Variants in NELL2 observed in about 807,000 individuals in gnomAD.
NELL2 encodes protein kinase C-binding protein NELL2.
In NELL2, 41 loss-of-function variants were observed where a neutral mutation model predicts 109.6. The observed-to-expected ratio is 0.37, with a 90% confidence interval of 0.29 to 0.49. The LOEUF is 0.49. Ranked by LOEUF, NELL2 falls within the 20% of genes least tolerant of loss-of-function variation. The probability of loss-of-function intolerance (pLI) is 0.98; values close to 1 mark genes in which losing one functional copy is unlikely to be tolerated. For missense variants in NELL2, 900 were observed against 1,008.3 expected, an observed-to-expected ratio of 0.89 and a Z score of 1.45; for synonymous variants, 355 against 344.7, an observed-to-expected ratio of 1.03 and a Z score of -0.33.
chr12:44,784,478 T>C (rs966868326), intron 3 of NELL2, among the ~76,000 whole-genome samples: 11 of 152,186 alleles, frequency 7.2e-5, no homozygotes, highest in Non-Finnish European at 1.6e-4. Context: ...CCATTCCTTC[T>C]GAAACTGTTC....
chr12:44,633,285 T>C (rs1946520955), intron 13 of NELL2, among the ~76,000 whole-genome samples: 1 of 152,006 alleles, frequency 6.6e-6, no homozygotes, highest in Non-Finnish European at 1.5e-5. Flanking sequence ...AAAAAGCCAG[T>C]TTACAAGAGG....
chr12:44,834,120 A>G (rs1458136169), intron 2 of NELL2, among the ~76,000 whole-genome samples: 13 of 152,230 alleles, frequency 8.5e-5, no homozygotes, highest in South Asian at 2.1e-4. Context: ...AAAAGATACA[A>G]TAATTTCCAT....
chr12:44,725,049 A>G (rs1479142879), intron 9 of NELL2, among the ~76,000 whole-genome samples: 1 of 152,174 alleles, frequency 6.6e-6, no homozygotes, highest in Non-Finnish European at 1.5e-5. Context: ...TGGTGCTAGG[A>G]TAACTGGCTA....
At chr12:44,568,665 A>C (rs1199095512) in intron 15 of NELL2, among the ~76,000 whole-genome samples, 2 of 152,062 alleles carry the variant, frequency 1.3e-5, no homozygotes, top group Non-Finnish European at 2.9e-5. Context: ...GATAGAATTC[A>C]CTTTTATGAG....
At chr12:44,718,707 G>C (rs749552750) in intron 9 of NELL2, among the ~76,000 whole-genome samples, 22 of 152,192 alleles carry the variant, frequency 1.4e-4, no homozygotes, top group Non-Finnish European at 2.9e-4. Context: ...CTAGGGAGAT[G>C]TACTTAATTT....
chr12:44,632,053 A>T (rs1351806334), intron 13 of NELL2, among the ~76,000 whole-genome samples: 1 of 152,166 alleles, frequency 6.6e-6, no homozygotes, highest in Non-Finnish European at 1.5e-5. Context: ...GACCATATTA[A>T]TAATCTGAAA....
intron 2 of NELL2, among the ~76,000 whole-genome samples, chr12:44,865,749 C>T (rs1944977180): frequency 8.1e-6 from 1 of 123,078 alleles, no homozygotes; most frequent in Non-Finnish European, 1.7e-5. Flanking sequence ...ACCAGCATGG[C>T]ACATGTATAC....
At chr12:44,753,057 G>C (rs1940723797) in intron 9 of NELL2, among the ~76,000 whole-genome samples, 1 of 152,060 alleles carries the variant, frequency 6.6e-6, no homozygotes, top group African/African-American at 2.4e-5. Flanking sequence ...ATTGAACACA[G>C]AATCAAGCAC....
chr12:44,607,454 C>T (rs977656740), intron 14 of NELL2, among the ~76,000 whole-genome samples, 190 bp from the exon 15 acceptor site: 1 of 152,030 alleles, frequency 6.6e-6, no homozygotes, highest in South Asian at 2.1e-4. Flanking sequence ...AGTACTCTTT[C>T]CAATGTTAAA....
intron 5 of NELL2, 44 bp from the exon 6 acceptor site, chr12:44,777,358 A>G (rs557128169): frequency 2.7e-6 from 4 of 1,492,388 alleles, no homozygotes; most frequent in Admixed American, 3.4e-5. Context: ...ACTTTCATTT[A>G]CCCAAATTAT....
At chr12:44,743,850 G>A (rs977133152) in intron 9 of NELL2, among the ~76,000 whole-genome samples, 5 of 152,094 alleles carry the variant, frequency 3.3e-5, no homozygotes, top group Non-Finnish European at 5.9e-5. Flanking sequence ...CAATAATAAT[G>A]GGAGACTTTA....
rs11182643 is a variant in NELL2 at position 44,758,069 on chromosome 12, C to T, written c.994+16678G>A. Among the ~76,000 whole-genome samples the T allele has an allele frequency of 5.6e-3, 844 of 152,034 alleles. 11 individuals are homozygous for T. Among genetic ancestry groups the T allele is most frequent in the East Asian group, 0.033 (169 of 5,174 alleles). On this transcript the variant is annotated intron_variant, in intron 9 of 19. Coordinates refer to ENST00000429094, the MANE Select transcript of NELL2 (RefSeq NM_001145108.2). ...TTACACACACACACACACACTCCCCCGCCACACACATACACACACAAGGTA... is the reference window on the plus strand; with the variant it reads ...TTACACACACACACACACACTCCCCTGCCACACACATACACACACAAGGTA...
At chr12:44,827,313 A>G (rs1943743661) in intron 2 of NELL2, among the ~76,000 whole-genome samples, 1 of 150,308 alleles carries the variant, frequency 6.7e-6, no homozygotes, top group Non-Finnish European at 1.5e-5. Flanking sequence ...ACCCCATTAT[A>G]CTCTTTTAGT....
intron 1 of NELL2, among the ~76,000 whole-genome samples, chr12:44,894,122 C>T (rs1945567197): frequency 6.6e-6 from 1 of 152,076 alleles, no homozygotes; most frequent in African/African-American, 2.4e-5. Context: ...TAATTATGCT[C>T]ATAAGTTTAG....
chr12:44,594,208 G>A (rs1284659995), intron 15 of NELL2, among the ~76,000 whole-genome samples: 2 of 152,062 alleles, frequency 1.3e-5, no homozygotes. Context: ...GTTGATGGGT[G>A]CAGCAAACCA....
chr12:44,807,434 G>T (rs915147131), intron 3 of NELL2, among the ~76,000 whole-genome samples: 3 of 151,274 alleles, frequency 2.0e-5, no homozygotes, highest in Admixed American at 6.6e-5. Context: ...TATGAAACAT[G>T]GTATTAGATA....
chr12:44,611,917 G>T (rs1945638006), intron 13 of NELL2, among the ~76,000 whole-genome samples: 4 of 152,032 alleles, frequency 2.6e-5, no homozygotes, highest in Admixed American at 2.6e-4. Context: ...ACACAAATTA[G>T]TTCAGCCATC....
upstream of NELL2, chr12:44,876,591 C>A (rs1945333907): frequency 6.5e-7 from 1 of 1,536,086 alleles, no homozygotes. Flanking sequence ...AGTTGATGGG[C>A]GGTCTTTGCT....
intron 13 of NELL2, among the ~76,000 whole-genome samples, chr12:44,647,996 A>C (rs1033103537): frequency 2.6e-5 from 4 of 152,152 alleles, no homozygotes; most frequent in African/African-American, 9.7e-5. Flanking sequence ...TCTTGGTTTT[A>C]GGCAGTGTAG....
Sources: allele counts gnomAD v4.1 joint callset (sites outside exome capture counted in the v4.1 genomes callset), GRCh38; gene constraint gnomAD v4.1.1; transcripts MANE v1.5; gene names NCBI Gene and HGNC (gene_info 2026-07-23, HGNC 2026-07-21).